Variants in TUBGCP5 observed in about 807,000 individuals in gnomAD.
The protein encoded by TUBGCP5 is tubulin gamma complex component 5, also known as gamma-tubulin complex component 5.
A neutral mutation model predicts 134.7 loss-of-function variants in TUBGCP5; 98 were observed. The observed-to-expected ratio is 0.73, with a 90% CI of 0.62 to 0.86. The LOEUF (loss-of-function observed/expected upper bound fraction) is 0.86. Ranked by LOEUF, TUBGCP5 falls within the 40% of genes least tolerant of loss-of-function variation. TUBGCP5 has a pLI of 0.00. For missense variants in TUBGCP5, 1,150 were observed against 1,244.8 expected (o/e 0.92, Z 1.15); for synonymous variants, 456 against 431.4 (o/e 1.06, Z -0.71).
chr15:23,004,266 C>T (rs2064572365), intron 19 of TUBGCP5, 39 bp from the exon 20 acceptor site: 2 of 1,599,828 alleles, frequency 1.3e-6, no homozygotes. Flanking sequence ...CAGCAGCCTT[C>T]TTTGAGGACT....
At chr15:23,035,038 A>G (rs558343596) in intron 3 of TUBGCP5, among the ~76,000 whole-genome samples, 8 of 152,086 alleles carry the variant, frequency 5.3e-5, no homozygotes, top group Non-Finnish European at 8.8e-5. Context: ...TTAAAAGGAT[A>G]ATAAAGAAGC....
At chr15:23,003,951 C>A (rs772613035) in intron 20 of TUBGCP5, 151 bp downstream of exon 20, 9 of 1,029,426 alleles carry the variant, frequency 8.7e-6, no homozygotes, top group Non-Finnish European at 8.0e-6. Flanking sequence ...TTGTGGCCGG[C>A]CTGGGGCATT....
Position 23,032,066 on chromosome 15 carries a change from T to C in TUBGCP5, c.407-37A>G, listed in dbSNP as rs113632549. The stretch of plus-strand genomic sequence containing the variant: ...CAGAAGAACTTCATTGGCTTTATTA[T>C]ATCTATCTTTGAAAAAAAACCTCAA... On this transcript the variant is annotated intron_variant, in intron 4 of 22. Coordinates refer to ENST00000615383, the MANE Select transcript of TUBGCP5 (RefSeq NM_052903.6). 39 of 1,510,886 alleles carry C rather than the reference T, an allele frequency of 2.6e-5. No individual in the cohort carries two copies. The African/African-American group carries it at 4.9e-4, about 19-fold the overall frequency. 93.6% of individuals were successfully genotyped at this position (1,510,886 alleles called of 1,614,324 possible). A position where few individuals can be genotyped will look rare whatever the true frequency, so the allele number is the denominator to read the frequency against.
chr15:22,988,553 G>T (rs935433587), intron 23 of TUBGCP5, among the ~76,000 whole-genome samples: 5 of 151,392 alleles, frequency 3.3e-5, no homozygotes, highest in African/African-American at 9.7e-5. Context: ...CTAACACAGT[G>T]AAACCCCGTC....
At chr15:23,006,213 G>C in intron 17 of TUBGCP5, 41 bp from the exon 18 acceptor site, 1 of 1,610,442 alleles carries the variant, frequency 6.2e-7, no homozygotes, top group Non-Finnish European at 8.5e-7. Flanking sequence ...CCAATTACTT[G>C]CATGTTTTAA....
In TUBGCP5 at chr15:22,999,298, C is replaced by T. The variant is rs1476591039; in HGVS notation, c.*522G>A. 1 of 154,084 alleles carries T rather than the reference C, an allele frequency of 6.5e-6. No homozygotes were observed. Among genetic ancestry groups the T allele is most frequent in the Non-Finnish European group, 1.4e-5 (1 of 69,158 alleles). 9.5% of individuals were successfully genotyped at this position (154,084 alleles called of 1,614,324 possible). A position where few individuals can be genotyped will look rare whatever the true frequency, so the allele number is the denominator to read the frequency against. On this transcript the variant is annotated 3_prime_UTR_variant, in exon 23 of 23. Coordinates refer to ENST00000615383, the MANE Select transcript of TUBGCP5 (RefSeq NM_052903.6). The stretch of plus-strand genomic sequence containing the variant: ...CAGTAGGAAATGTAAGAGTAAACAG[C>T]CTATATACACTTTGTACTACTGACA...
At chr15:22,984,257 A>C (rs1271717314) in intron 23 of TUBGCP5, among the ~76,000 whole-genome samples, 13 of 152,250 alleles carry the variant, frequency 8.5e-5, no homozygotes, top group Admixed American at 8.5e-4. Flanking sequence ...AGAATAGTGA[A>C]AATTAAGTAC....
intron 21 of TUBGCP5, among the ~76,000 whole-genome samples, 161 bp downstream of exon 21, chr15:23,002,904 C>A (rs1403311193): frequency 3.4e-5 from 5 of 147,116 alleles, no homozygotes; most frequent in African/African-American, 1.0e-4. Flanking sequence ...TTTTTAAAGA[C>A]TGGGTTTTGC....
intron 6 of TUBGCP5, among the ~76,000 whole-genome samples, chr15:23,030,533 G>T (rs182230939): frequency 1.2e-3 from 185 of 148,926 alleles, no homozygotes; most frequent in Non-Finnish European, 1.8e-3. Context: ...TTTTGAGACA[G>T]GGTCTCGCTC....
chr15:22,983,331 A>T (rs1323123860), exon 24 of TUBGCP5: 2 of 145,682 alleles, frequency 1.4e-5, no homozygotes, highest in African/African-American at 2.6e-5. Context: ...AGTAGTTCCC[A>T]CCTCATCTTC....
In TUBGCP5 at chr15:23,004,169, T is replaced by C; in HGVS notation, c.2771A>G (p.Asp924Gly). 2 of 1,613,464 alleles carry C rather than the reference T, an allele frequency of 1.2e-6. No individual in the cohort carries two copies. The highest frequency in any genetic ancestry group is 1.7e-6 in the Non-Finnish European group (2 of 1,179,780). Residue 924 changes from aspartate (D) to glycine (G), a missense_variant, in exon 20 of 23, where the codon GAT (aspartate) becomes GGT (glycine). By Grantham distance (94) the Asp-to-Gly change is moderately conservative. Around this residue, in one of 2 missense-constraint regions of TUBGCP5, gnomAD observed 697 missense variants for 850.1 expected, o/e 0.82. Transcript: ENST00000615383. ...QHQVEEAKDL[D>G]QLIKIHYRYL... ...CCTATAGTGAATTTTAATCAATTGATCTAAATCCTTGGCTTCCTCGACTTG... is the reference window on the plus strand; with the variant it reads ...CCTATAGTGAATTTTAATCAATTGACCTAAATCCTTGGCTTCCTCGACTTG...
intron 7 of TUBGCP5, 52 bp downstream of exon 7, chr15:23,027,140 A>G: frequency 7.4e-7 from 1 of 1,353,818 alleles, no homozygotes; most frequent in Non-Finnish European, 1.0e-6. Flanking sequence ...CAAACGTTTA[A>G]ACATCAAAGT....
At chr15:23,007,909 CAG>C (rs2064819109) in intron 16 of TUBGCP5, among the ~76,000 whole-genome samples, 1 of 152,024 alleles carries the variant, frequency 6.6e-6, no homozygotes, top group African/African-American at 2.4e-5. Context: ...CTGAGAGACA[CAG>C]AGGTCATTGG....
intron 22 of TUBGCP5, 47 bp from the exon 23 acceptor site, chr15:22,999,913 GA>G (rs1283461381): frequency 8.8e-6 from 14 of 1,597,682 alleles, no homozygotes; most frequent in Admixed American, 1.7e-5. Flanking sequence ...TTTAAATGTT[GA>G]AAAAAAATTT....
chr15:23,034,295 C>A (rs896266516), intron 3 of TUBGCP5, among the ~76,000 whole-genome samples: 1 of 152,126 alleles, frequency 6.6e-6, no homozygotes, highest in African/African-American at 2.4e-5. Flanking sequence ...CACTGGCCAC[C>A]TGACAGTATG....
intron 13 of TUBGCP5, among the ~76,000 whole-genome samples, chr15:23,016,755 C>T (rs1296438379): frequency 6.6e-6 from 1 of 151,572 alleles, no homozygotes; most frequent in Non-Finnish European, 1.5e-5. Context: ...GTACAGACAC[C>T]ATGGAGAACA....
intron 23 of TUBGCP5, among the ~76,000 whole-genome samples, chr15:22,992,947 A>T (rs929812054): frequency 6.7e-5 from 10 of 148,652 alleles, no homozygotes; most frequent in Non-Finnish European, 9.0e-5. Context: ...AGAAAGATTT[A>T]AAAAAAAAAG....
At chr15:23,027,056 T>C in intron 7 of TUBGCP5, 136 bp downstream of exon 7, 2 of 702,800 alleles carry the variant, frequency 2.8e-6, no homozygotes, top group Non-Finnish European at 2.3e-6. Flanking sequence ...AGAATCTGTC[T>C]CCAAAAAAAA....
At chr15:22,992,116 C>G (rs1340107950) in intron 23 of TUBGCP5, among the ~76,000 whole-genome samples, 2 of 152,118 alleles carry the variant, frequency 1.3e-5, no homozygotes, top group Non-Finnish European at 2.9e-5. Context: ...AGTCGTACGA[C>G]CTGACAGTCT....
Sources: gnomAD v4.1 joint callset for allele counts (sites outside exome capture counted in the v4.1 genomes callset) on GRCh38, gnomAD v4.1.1 for gene constraint, gnomAD v4.1.1 regional missense constraint, MANE v1.5 for transcripts, NCBI Gene and HGNC (gene_info 2026-07-23, HGNC 2026-07-21) for gene names.